The following MACF1 variants were observed in gnomAD, a reference collection of about 807,000 sequenced individuals.
MACF1 encodes the protein microtubule-actin cross-linking factor 1.
Under a neutral mutation model 854.8 loss-of-function variants are expected in MACF1, and 193 were observed. The ratio of observed to expected loss-of-function variants is 0.23; its 90% CI spans 0.20 to 0.25. The LOEUF is 0.25. MACF1 is among the 10% of genes least tolerant of loss of function. The pLI is 1.00. For missense variants in MACF1, 7,722 were observed against 8,929.1 expected, an observed-to-expected ratio of 0.86 and a Z score of 5.45; for synonymous variants, 3,185 against 3,226.7, an observed-to-expected ratio of 0.99 and a Z score of 0.44.
In MACF1 at chr1:39,309,667, GACCTTGTACAGACCTGGA is replaced by G; in HGVS notation, c.2892_2909del (p.Val965_Leu970del). ...TTGGAACTATCTGCGTAAAGACCTT[GACCTTGTACAGACCTGGA>G]ACCTAGAAAAGGTAATTATGAAAAC... On this transcript the variant is annotated inframe_deletion, in exon 24 of 101. Transcript: ENST00000564288. 6.2e-7 allele frequency: 1 copy of G among 1,614,068 alleles called. No homozygotes were observed. Among genetic ancestry groups the G allele is most frequent in the Non-Finnish European group, 8.5e-7 (1 of 1,179,980 alleles).
chr1:39,186,212 CTCTGTGTGTG>C (rs1644169496), intron 2 of MACF1, among the ~76,000 whole-genome samples: 1 of 80,044 alleles, frequency 1.2e-5, no homozygotes, highest in Non-Finnish European at 2.5e-5. Flanking sequence ...CTCTCTCTCT[CTCTGTGTGTG>C]TGTGTGTGTG....
chr1:39,236,544 A>G (rs1014385349), intron 2 of MACF1, among the ~76,000 whole-genome samples: 5 of 152,234 alleles, frequency 3.3e-5, no homozygotes, highest in African/African-American at 1.2e-4. Context: ...CAGAGTGTTT[A>G]TATACATGGT....
intron 99 of MACF1, among the ~76,000 whole-genome samples, 168 bp from the exon 100 acceptor site, chr1:39,484,433 T>C (rs1645069435): frequency 6.6e-6 from 1 of 152,170 alleles, no homozygotes; most frequent in Admixed American, 6.5e-5. Flanking sequence ...TTGGGAATTA[T>C]CAAAATATAT....
chr1:39,285,710 A>G lies in MACF1; in HGVS notation c.1460A>G (p.Gln487Arg), dbSNP rs765688159. Residue 487 changes from glutamine (Q) to arginine (R), a missense_variant, in exon 14 of 101, where the codon CAG becomes CGG. This residue lies in a region of MACF1 where 1,137 missense variants were observed against 1,263.0 expected (regional missense o/e 0.90). Transcript: ENST00000564288. The stretch of plus-strand genomic sequence containing the variant: ...ATCAGGCAGCTGCAGGTGGATCTCC[A>G]GATCCTGCGGGATGAGAATTACTAC... ...GLIRQLQVDL[Q>R]ILRDENYYQL... 8.7e-6 allele frequency: 14 copies of G among 1,614,182 alleles called. No individual in the cohort carries two copies. Among genetic ancestry groups the G allele is most frequent in the African/African-American group, 1.3e-5 (1 of 75,030 alleles).
Position 39,385,535 on chromosome 1 carries a change from C to T in MACF1, c.13950C>T (p.Thr4650=). The T allele has an allele frequency of 3.1e-6, 5 of 1,614,148 alleles. No individual in the cohort carries two copies. The highest frequency in any genetic ancestry group is 4.2e-6 in the Non-Finnish European group (5 of 1,180,032). ...LTGPGDVSLS[T]SQVQKELQSI... is the part of the protein sequence containing the mutation. ...GCCCTGGAGATGTCTCTCTGTCCACCAGCCAAGTACAGAAAGAACTCCAGA... is the reference window on the plus strand; with the variant it reads ...GCCCTGGAGATGTCTCTCTGTCCACTAGCCAAGTACAGAAAGAACTCCAGA... The change falls in exon 57 of 101, where the codon ACC becomes ACT. Residue 4650 remains threonine, a synonymous_variant. Transcript: ENST00000564288.
chr1:39,462,835 A>G (rs1463620903), intron 93 of MACF1, among the ~76,000 whole-genome samples: 2 of 152,210 alleles, frequency 1.3e-5, no homozygotes, highest in Non-Finnish European at 2.9e-5. Context: ...TATTAGTGCC[A>G]TCTAGAAACC....
chr1:39,330,839 T>C (rs375056279), intron 36 of MACF1, among the ~76,000 whole-genome samples: 3 of 151,740 alleles, frequency 2.0e-5, no homozygotes, highest in South Asian at 4.2e-4. Context: ...TCTCGCTCTG[T>C]TGCCCAGGCT....
intron 87 of MACF1, among the ~76,000 whole-genome samples, chr1:39,453,043 G>A (rs755884377): frequency 3.9e-5 from 6 of 152,164 alleles, no homozygotes; most frequent in Non-Finnish European, 8.8e-5. Context: ...TATGTTGGTT[G>A]TAACAAGTTT....
intron 58 of MACF1, among the ~76,000 whole-genome samples, chr1:39,405,953 A>C (rs12086335): frequency 4.5e-4 from 68 of 152,218 alleles, no homozygotes; most frequent in African/African-American, 1.6e-3. Context: ...TCAGTCCCTG[A>C]GATGGCTATT....
chr1:39,458,187 C>A, intron 89 of MACF1, 183 bp from the exon 90 acceptor site: 1 of 561,542 alleles, frequency 1.8e-6, no homozygotes, highest in South Asian at 2.7e-5. Context: ...CACATTTCAA[C>A]ATGAGATTTG....
intron 99 of MACF1, among the ~76,000 whole-genome samples, chr1:39,483,086 C>CAAAAA (rs1198703166): frequency 8.8e-5 from 2 of 22,764 alleles, no homozygotes; most frequent in African/African-American, 1.4e-4. Context: ...GACTCTGTCT[C>CAAAAA]AAAAAAAAAA....
chr1:39,196,004 A>G (rs1644314880), intron 2 of MACF1, among the ~76,000 whole-genome samples: 1 of 152,178 alleles, frequency 6.6e-6, no homozygotes. Context: ...CTGCTCCTCC[A>G]AATAATGACA....
chr1:39,288,920 C>T (rs1645709974), intron 15 of MACF1, among the ~76,000 whole-genome samples: 1 of 152,190 alleles, frequency 6.6e-6, no homozygotes, highest in Non-Finnish European at 1.5e-5. Flanking sequence ...CCCCACCTCC[C>T]TCTGATCCCG....
intron 2 of MACF1, among the ~76,000 whole-genome samples, chr1:39,176,127 A>G (rs937826451): frequency 5.3e-5 from 7 of 133,252 alleles, no homozygotes; most frequent in Admixed American, 7.9e-5. Context: ...AAAAAAAAAA[A>G]GCCAGGTGTG....
At chr1:39,325,424 G>A (rs1646591249) in intron 35 of MACF1, among the ~76,000 whole-genome samples, 1 of 152,216 alleles carries the variant, frequency 6.6e-6, no homozygotes, top group African/African-American at 2.4e-5. Context: ...TTGGAGGCAA[G>A]CAAGGCGAAA....
At chr1:39,170,218 G>A (rs1399503623) in intron 2 of MACF1, among the ~76,000 whole-genome samples, 1 of 152,172 alleles carries the variant, frequency 6.6e-6, no homozygotes, top group Admixed American at 6.6e-5. Flanking sequence ...CCAAGTTGAT[G>A]TATCACTTTC....
At chr1:39,122,249 A>G (rs1206649029) in intron 2 of MACF1, among the ~76,000 whole-genome samples, 3 of 151,636 alleles carry the variant, frequency 2.0e-5, no homozygotes, top group African/African-American at 7.3e-5. Flanking sequence ...TGTGTTTGGT[A>G]ATATTCTTTT....
intron 6 of MACF1, among the ~76,000 whole-genome samples, chr1:39,280,808 C>T (rs1317092822): frequency 6.6e-6 from 1 of 152,142 alleles, no homozygotes; most frequent in African/African-American, 2.4e-5. Flanking sequence ...AAACTCCTGA[C>T]CTCAGGTGAT....
chr1:39,398,349 G>A (rs576228527), intron 58 of MACF1, among the ~76,000 whole-genome samples: 2 of 152,132 alleles, frequency 1.3e-5, no homozygotes, highest in South Asian at 2.1e-4. Flanking sequence ...ATGTTGCCAA[G>A]GCCGGCCTTG....
Sources: gnomAD v4.1 joint callset for allele counts (sites outside exome capture counted in the v4.1 genomes callset) on GRCh38, gnomAD v4.1.1 for gene constraint, gnomAD v4.1.1 regional missense constraint, MANE v1.5 for transcripts, NCBI Gene and HGNC (gene_info 2026-07-23, HGNC 2026-07-21) for gene names.